Variants in QSER1 observed in about 807,000 individuals in gnomAD.
The protein encoded by QSER1 is glutamine and serine-rich protein 1.
Under a neutral mutation model 158.5 loss-of-function variants are expected in QSER1, and 49 were observed. The ratio of observed to expected loss-of-function variants is 0.31; its 90% CI spans 0.25 to 0.39. The LOEUF (loss-of-function observed/expected upper bound fraction) is 0.39, where lower values mean the gene tolerates loss of function less well. Among genes scored for constraint, QSER1 ranks in the 10% least tolerant of loss-of-function variants. The pLI is 1.00. For synonymous variants in QSER1, 650 were observed against 715.5 expected (o/e 0.91, Z 1.46); for missense variants, 1,754 against 2,010.3 (o/e 0.87, Z 2.44).
intron 9 of QSER1, among the ~76,000 whole-genome samples, 167 bp downstream of exon 9, chr11:32,966,604 C>A (rs922371418): frequency 6.6e-6 from 1 of 152,154 alleles, no homozygotes; most frequent in African/African-American, 2.4e-5. Flanking sequence ...TCTTTTCATG[C>A]ATTCTCTGAA....
At chr11:32,904,248 A>G (rs1297152761) in intron 1 of QSER1, among the ~76,000 whole-genome samples, 2 of 148,058 alleles carry the variant, frequency 1.4e-5, no homozygotes, top group Non-Finnish European at 3.0e-5. Flanking sequence ...GCTGGAGTGC[A>G]GTGGTGCAAT....
At chr11:32,945,083 T>G (rs1852306784) in intron 4 of QSER1, among the ~76,000 whole-genome samples, 5 of 123,984 alleles carry the variant, frequency 4.0e-5, no homozygotes, top group Admixed American at 3.4e-4. Flanking sequence ...GTTTTCCATT[T>G]GCTTGGTAGA....
In QSER1 at chr11:32,935,465, A is replaced by G. The variant is rs374643559; in HGVS notation, c.4177+30A>G. The G allele has an allele frequency of 1.4e-5, 20 of 1,423,634 alleles. No homozygotes were observed. The African/African-American group carries it at 2.6e-4, about 18-fold the overall frequency. 88.2% of individuals were successfully genotyped at this position (1,423,634 alleles called of 1,614,324 possible). ...AGTTTTACAATTTAGATTCATAATT[A>G]TTACTTTCTTCTATTTTTCCAGCTA... On this transcript the variant is annotated intron_variant, in intron 4 of 12. Coordinates refer to ENST00000650167, the MANE Select transcript of QSER1 (RefSeq NM_001076786.3).
chr11:32,958,079 C>A lies in QSER1; in HGVS notation c.4962C>A (p.Asp1654Glu). Residue 1654 changes from aspartate to glutamate, a missense_variant, in exon 8 of 13, where the codon GAC becomes GAA. Physicochemically the swap from Asp to Glu is conservative, Grantham distance 45. Around this residue, in one of 2 missense-constraint regions of QSER1, gnomAD observed 1,707 missense variants for 1,919.6 expected, o/e 0.89. Transcript: ENST00000650167. Reference sequence around the variant, plus strand: ...CTGAGATCCATACTAGTAGTAGTGACGATGAGGGTGAGTTTTCCGTGAAAT... The same window carrying A: ...CTGAGATCCATACTAGTAGTAGTGAAGATGAGGGTGAGTTTTCCGTGAAAT... ...SSPEIHTSSS[D>E]DEEFEPPAPF... The A allele has an allele frequency of 6.2e-7, 1 of 1,613,174 alleles. No individual in the cohort carries two copies. The highest frequency in any genetic ancestry group is 1.1e-5 in the South Asian group (1 of 91,010).
intron 4 of QSER1, among the ~76,000 whole-genome samples, chr11:32,936,859 A>C (rs1033175222): frequency 1.3e-5 from 2 of 152,180 alleles, no homozygotes; most frequent in Non-Finnish European, 2.9e-5. Flanking sequence ...TATCCAAATA[A>C]CCTGTTAGCA....
At chr11:32,915,630 T>C (rs1851821473) in intron 1 of QSER1, among the ~76,000 whole-genome samples, 1 of 152,178 alleles carries the variant, frequency 6.6e-6, no homozygotes. Context: ...TTTTTCCTTT[T>C]AGGATTATAA....
rs1479954211 is a variant in QSER1 at position 32,977,463 on chromosome 11, ACTT to A, written c.*993_*995del. 1 of 152,636 alleles carries A rather than the reference ACTT, an allele frequency of 6.6e-6. No individual in the cohort carries two copies. The highest frequency in any genetic ancestry group is 2.4e-5 in the African/African-American group (1 of 41,452). 9.5% of individuals were successfully genotyped at this position (152,636 alleles called of 1,614,324 possible). A position where few individuals can be genotyped will look rare whatever the true frequency, so the allele number is the denominator to read the frequency against. ...AGTAATTTTCTAATTCATAAAATAA[ACTT>A]CTTACTAAACTAGCACTTGATTAAC... On this transcript the variant is annotated 3_prime_UTR_variant, in exon 13 of 13. Coordinates refer to ENST00000650167, the MANE Select transcript of QSER1 (RefSeq NM_001076786.3).
Position 32,932,288 on chromosome 11 carries a change from T to TA in QSER1, c.1031dup (p.Tyr344Ter). 1 of 1,613,916 alleles carries TA rather than the reference T, an allele frequency of 6.2e-7. No individual in the cohort carries two copies. The change falls in exon 4 of 13, where the codon TAT (tyrosine) becomes TAAT (stop). Residue 344 changes from tyrosine to a stop codon, truncating the protein, a stop_gained and frameshift_variant. Transcript: ENST00000650167. LOFTEE classifies it high-confidence loss of function. ...LTGSQHSLHS[Y>*]LSNSSVVNFQ... ...TGGTTCACAGCACTCCTTACATAGT[T>TA]ATCTATCAAATTCAAGTGTAGTTAA...
chr11:32,970,946 C>CTTTTTTTTTTTTT (rs776051259), intron 10 of QSER1, among the ~76,000 whole-genome samples: 2 of 76,870 alleles, frequency 2.6e-5, no homozygotes, highest in Non-Finnish European at 4.4e-5. Context: ...AAGCAATTTG[C>CTTTTTTTTTTTTT]TTTTTTTTTT....
chr11:32,957,820 G>A, intron 7 of QSER1, 49 bp from the exon 8 acceptor site: 1 of 1,424,366 alleles, frequency 7.0e-7, no homozygotes, highest in Non-Finnish European at 9.7e-7. Flanking sequence ...TTTTATTTTA[G>A]TTTAACAAGA....
chr11:32,909,521 C>T (rs1851737977), intron 1 of QSER1, among the ~76,000 whole-genome samples: 1 of 151,872 alleles, frequency 6.6e-6, no homozygotes, highest in Admixed American at 6.6e-5. Context: ...CTCACTGCAA[C>T]CTCCGCCTTC....
Position 32,931,987 on chromosome 11 carries a change from A to G in QSER1, c.729A>G (p.Ala243=), listed in dbSNP as rs1249523856. ...AGGGAACTGTTCCAACTGCTTTGGC[A>G]TTTGAGCGCCTGGGCAGTTCTGTAT... is the stretch of plus-strand genomic sequence containing the variant. ...TSQGTVPTAL[A]FERLGSSVLS... The change falls in exon 4 of 13, where the codon GCA becomes GCG. Residue 243 remains alanine, a synonymous_variant. Transcript: ENST00000650167. 1 of 1,614,096 alleles carries G rather than the reference A, an allele frequency of 6.2e-7. No homozygotes were observed. The highest frequency in any genetic ancestry group is 2.2e-5 in the East Asian group (1 of 44,894).
intron 3 of QSER1, among the ~76,000 whole-genome samples, chr11:32,930,301 A>G (rs571379329): frequency 1.3e-5 from 2 of 152,326 alleles, no homozygotes; most frequent in East Asian, 3.9e-4. Context: ...GAGTTGAACT[A>G]TGTTATCTCA....
At chr11:32,902,740 T>C (rs1053843583) in intron 1 of QSER1, among the ~76,000 whole-genome samples, 2 of 152,212 alleles carry the variant, frequency 1.3e-5, no homozygotes, top group African/African-American at 4.8e-5. Flanking sequence ...TTTGCCATTG[T>C]AGGTGATAGT....
In QSER1 at chr11:32,934,871, G is replaced by A. The variant is rs777795473; in HGVS notation, c.3613G>A (p.Ala1205Thr). 8.1e-6 allele frequency: 13 copies of A among 1,613,886 alleles called. No individual in the cohort carries two copies. Among genetic ancestry groups the A allele is most frequent in the Admixed American group, 5.0e-5 (3 of 59,944 alleles). Residue 1205 changes from alanine (A) to threonine (T), a missense_variant, in exon 4 of 13, where the codon GCT becomes ACT. By Grantham distance (58) the Ala-to-Thr change is moderately conservative. This residue lies in a region of QSER1 where 1,707 missense variants were observed against 1,919.6 expected (regional missense o/e 0.89). Transcript: ENST00000650167. Reference sequence around the variant, plus strand: ...GCATTTTAACCTTCAAAAGAAAAGAGCTAAAGGAAAAGGGCAAGTTAAAGA... The same window carrying A: ...GCATTTTAACCTTCAAAAGAAAAGAACTAAAGGAAAAGGGCAAGTTAAAGA... ...LMHFNLQKKR[A>T]KGKGQVKEED...
At chr11:32,961,223 A>G (rs539232149) in intron 8 of QSER1, among the ~76,000 whole-genome samples, 1 of 152,310 alleles carries the variant, frequency 6.6e-6, no homozygotes, top group African/African-American at 2.4e-5. Flanking sequence ...CTCCTCCTGT[A>G]TGTAGTTAGG....
chr11:32,951,105 A>T (rs1299729029), intron 4 of QSER1, among the ~76,000 whole-genome samples: 2 of 152,220 alleles, frequency 1.3e-5, no homozygotes, highest in Non-Finnish European at 2.9e-5. Context: ...TCAGTGATCT[A>T]TAAGGATTCC....
intron 8 of QSER1, among the ~76,000 whole-genome samples, chr11:32,959,518 C>T (rs1393533754): frequency 6.6e-6 from 1 of 152,072 alleles, no homozygotes; most frequent in African/African-American, 2.4e-5. Context: ...TAAATTGAGT[C>T]TGAACCTAAG....
chr11:32,920,396 A>C (rs762035970), intron 1 of QSER1, among the ~76,000 whole-genome samples: 3 of 152,204 alleles, frequency 2.0e-5, no homozygotes, highest in Non-Finnish European at 4.4e-5. Context: ...TGTCATCCTA[A>C]ATGTAAAAGC....
Sources: allele counts gnomAD v4.1 joint callset (sites outside exome capture counted in the v4.1 genomes callset), GRCh38; gene constraint gnomAD v4.1.1; regional missense constraint gnomAD v4.1.1; transcripts MANE v1.5; gene names NCBI Gene and HGNC (gene_info 2026-07-23, HGNC 2026-07-21).